Variants in KANK2 observed in about 807,000 individuals in gnomAD.
KANK2 encodes the protein KN motif and ankyrin repeat domain-containing protein 2.
A neutral mutation model predicts 74.6 loss-of-function variants in KANK2; 41 were observed. The observed-to-expected ratio is 0.55, with a 90% CI of 0.43 to 0.71. The LOEUF (loss-of-function observed/expected upper bound fraction) is 0.71, where lower values mean the gene tolerates loss of function less well. Ranked by LOEUF, KANK2 falls within the 30% of genes least tolerant of loss-of-function variation. The pLI is 0.00. For missense variants in KANK2, 1,148 were observed against 1,196.4 expected (o/e 0.96, Z 0.60); for synonymous variants, 537 against 519.0 (o/e 1.03, Z -0.47).
rs981168044 is a variant in KANK2, at chr19:11,172,403, C to T, written c.2211+578G>A. Among the ~76,000 whole-genome samples the T allele has an allele frequency of 3.9e-5, 6 of 152,214 alleles. 1 individual carries two copies. Among genetic ancestry groups the T allele is most frequent in the Admixed American group, 3.9e-4 (6 of 15,272 alleles). ...CAGCTCCATTTTGTTCCTTTGCTGT[C>T]TTCAGACTGTTGACGATCCCTCTCC... is the stretch of plus-strand genomic sequence containing the variant. On this transcript the variant is annotated intron_variant, in intron 10 of 12. Transcript: ENST00000586659.
At chr19:11,175,615 A>G (rs1487555187) in intron 8 of KANK2, among the ~76,000 whole-genome samples, 1 of 151,946 alleles carries the variant, frequency 6.6e-6, no homozygotes, top group Non-Finnish European at 1.5e-5. Flanking sequence ...TCAAGTGTAG[A>G]TGCCCAAAAA....
intron 4 of KANK2, among the ~76,000 whole-genome samples, chr19:11,183,348 T>C (rs528483517): frequency 1.3e-5 from 2 of 152,294 alleles, no homozygotes; most frequent in South Asian, 2.1e-4. Context: ...TTACTTTACA[T>C]GAGAAGAGCC....
chr19:11,176,863 A>C, intron 6 of KANK2, 46 bp from the exon 7 acceptor site: 1 of 1,481,676 alleles, frequency 6.7e-7, no homozygotes, highest in Non-Finnish European at 8.9e-7. Context: ...AGGTGGGATG[A>C]GAAATGGTGG....
In KANK2 at chr19:11,165,643, CT is replaced by C. The variant is rs1374168359; in HGVS notation, c.*914del. ...CTGAAGTGCAATGGTGTGATCATAG[CT>C]CACTGTAGCCTCGACCTCCAGGGCT... is the stretch of plus-strand genomic sequence containing the variant. On this transcript the variant is annotated 3_prime_UTR_variant, in exon 13 of 13. Transcript: ENST00000586659. The C allele has an allele frequency of 1.3e-5, 2 of 152,124 alleles. No homozygotes were observed. The highest frequency in any genetic ancestry group is 1.3e-4 in the Admixed American group (2 of 15,246). The allele number at this position is 152,124 out of a possible 1,614,324, so 9.4% of individuals were successfully genotyped here.
chr19:11,175,189 G>A (rs970781007), intron 8 of KANK2, among the ~76,000 whole-genome samples: 7 of 151,824 alleles, frequency 4.6e-5, no homozygotes, highest in African/African-American at 1.5e-4. Context: ...CACTTTGGGA[G>A]GCCAGGGTGA....
At chr19:11,194,443 G>C (rs756900296) in intron 3 of KANK2, 32 bp downstream of exon 3, 1 of 1,593,662 alleles carries the variant, frequency 6.3e-7, no homozygotes, top group Non-Finnish European at 8.6e-7. Flanking sequence ...GAAGCTCCCC[G>C]GGGCAGGGCC....
At position 11,193,688 on chromosome 19, in the gene KANK2, G is replaced by A; in HGVS notation, c.392C>T (p.Ala131Val). 6.2e-7 allele frequency: 1 copy of A among 1,609,714 alleles called. No individual in the cohort carries two copies. Among genetic ancestry groups the A allele is most frequent in the Non-Finnish European group, 8.5e-7 (1 of 1,178,030 alleles). The change falls in exon 4 of 13, where the codon GCC (alanine) becomes GTC (valine). Residue 131 changes from alanine (A) to valine (V), a missense_variant. Physicochemically the swap from Ala to Val is moderately conservative, Grantham distance 64. Transcript: ENST00000586659. This position sits in a 1 kb window ranked among gnomAD's most constrained non-coding sequence, Gnocchi z 9.6. ...NPRVERTLLD[A>V]RRRLEDQAAT... Reference sequence around the variant, plus strand: ...CGCCTGGTCCTCGAGACGGCGACGGGCATCCAGCAGCGTGCGCTCCACCCG... The same window carrying A: ...CGCCTGGTCCTCGAGACGGCGACGGACATCCAGCAGCGTGCGCTCCACCCG...
chr19:11,171,359 A>G (rs1192709270), intron 10 of KANK2, among the ~76,000 whole-genome samples: 1 of 152,000 alleles, frequency 6.6e-6, no homozygotes, highest in East Asian at 1.9e-4. Context: ...AGGTTGGAGG[A>G]CTGTTTGAGC....
chr19:11,178,626 G>A lies in KANK2; in HGVS notation c.1344C>T (p.Pro448=). The A allele has an allele frequency of 6.3e-7, 1 of 1,597,252 alleles. No individual in the cohort carries two copies. Among genetic ancestry groups the A allele is most frequent in the African/African-American group, 1.4e-5 (1 of 73,726 alleles). The change falls in exon 5 of 13, where the codon CCC becomes CCT. Residue 448 remains proline, a synonymous_variant. Coordinates refer to ENST00000586659, the MANE Select transcript of KANK2 (RefSeq NM_001136191.3). ...GCTCCCTGTGGGTGGGCTCCTGGGT[G>A]GGCACTCGGCCTGTGCTCTTCTCAG... ...TQPEKSTGRV[P]TQEPTHREPT...
chr19:11,197,181 G>C (rs1285028170), intron 1 of KANK2: 1 of 152,504 alleles, frequency 6.6e-6, no homozygotes, highest in African/African-American at 2.4e-5. Context: ...AGGGGAGAGC[G>C]GGCAGAGGGG....
chr19:11,181,691 C>T (rs758544486), intron 4 of KANK2, among the ~76,000 whole-genome samples: 18 of 151,948 alleles, frequency 1.2e-4, no homozygotes, highest in Non-Finnish European at 2.4e-4. Flanking sequence ...GTGACAGTTG[C>T]GCAACAGTGT....
Position 11,170,403 on chromosome 19 carries a change from C to T in KANK2, c.2212-155G>A. 1 of 617,878 alleles carries T rather than the reference C, an allele frequency of 1.6e-6. No individual in the cohort carries two copies. Among genetic ancestry groups the T allele is most frequent in the South Asian group, 1.9e-5 (1 of 51,398 alleles). The allele number at this position is 617,878 out of a possible 1,614,324, so 38.3% of individuals were successfully genotyped here. A position where few individuals can be genotyped will look rare whatever the true frequency, so the allele number is the denominator to read the frequency against. On this transcript the variant is annotated intron_variant, in intron 10 of 12. Transcript: ENST00000586659. This position sits in a 1 kb window ranked among gnomAD's most constrained non-coding sequence, Gnocchi z 5.2. Reference sequence around the variant, plus strand: ...TGAATCTCAAACAACCCTCCCGTCACCAGGGGAGTAATAAATCCACAGAGA... The same window carrying T: ...TGAATCTCAAACAACCCTCCCGTCATCAGGGGAGTAATAAATCCACAGAGA...
rs139337452 is a variant in KANK2 at position 11,176,808 on chromosome 19, C to T, written c.1530G>A (p.Ser510=). 15 of 1,516,132 alleles carry T rather than the reference C, an allele frequency of 9.9e-6. No homozygotes were observed. The highest frequency in any genetic ancestry group is 4.2e-5 in the African/African-American group (3 of 71,858). 93.9% of individuals were successfully genotyped at this position (1,516,132 alleles called of 1,614,324 possible). The change falls in exon 7 of 13, where the codon TCG becomes TCA. Residue 510 remains serine (S), a synonymous_variant. Coordinates refer to ENST00000586659, the MANE Select transcript of KANK2 (RefSeq NM_001136191.3). Reference sequence around the variant, plus strand: ...CTGCTGTGCTGGAGTCCTCGGATGACGACTCATACCTGGGGAGGAACGAGC... The same window carrying T: ...CTGCTGTGCTGGAGTCCTCGGATGATGACTCATACCTGGGGAGGAACGAGC... ...QFVGVNGGYE[S]SSEDSSTAEN...
intron 10 of KANK2, among the ~76,000 whole-genome samples, chr19:11,172,526 C>T (rs1171551353): frequency 2.0e-5 from 3 of 152,128 alleles, no homozygotes; most frequent in African/African-American, 7.2e-5. Context: ...TTCTGCTTCC[C>T]AACACACAGC....
chr19:11,174,804 G>A lies in KANK2; in HGVS notation c.1849-112C>T, dbSNP rs78998591. On this transcript the variant is annotated intron_variant, in intron 8 of 12. Coordinates refer to ENST00000586659, the MANE Select transcript of KANK2 (RefSeq NM_001136191.3). ...GCGTGGTGCCCTTGTCCTGGAAAAC[G>A]ATCTCAAGGGAAGTGCAGACCCTCC... 1,260 of 816,108 alleles carry A rather than the reference G, an allele frequency of 1.5e-3. 11 individuals are homozygous for A. In the African/African-American group the frequency reaches 0.019, roughly 12 times the overall value. 50.6% of individuals were successfully genotyped at this position (816,108 alleles called of 1,614,324 possible). A position where few individuals can be genotyped will look rare whatever the true frequency, so the allele number is the denominator to read the frequency against.
intron 12 of KANK2, among the ~76,000 whole-genome samples, chr19:11,167,325 A>G (rs2078050435): frequency 2.0e-5 from 3 of 151,800 alleles, no homozygotes; most frequent in African/African-American, 7.3e-5. Flanking sequence ...TTGGCCTCCC[A>G]AAGTGTTGAG....
intron 6 of KANK2, 97 bp from the exon 7 acceptor site, chr19:11,176,914 C>G: frequency 1.5e-6 from 2 of 1,375,624 alleles, no homozygotes; most frequent in Non-Finnish European, 1.9e-6. Flanking sequence ...CTCTGTGGGC[C>G]TCAGCTTCCC....
chr19:11,192,751 G>A lies in KANK2; in HGVS notation c.1249+80C>T, dbSNP rs748576236. The A allele has an allele frequency of 1.7e-5, 27 of 1,546,010 alleles. No individual in the cohort carries two copies. The African/African-American group carries it at 3.6e-4, about 20-fold the overall frequency. On this transcript the variant is annotated intron_variant, in intron 4 of 12. Transcript: ENST00000586659. ...CACCCTGCCTGGACCCTGGCGTTCT[G>A]AGAGTCCAGGATGAGCCATGGGAAG...
At chr19:11,183,236 A>G (rs1368947426) in intron 4 of KANK2, among the ~76,000 whole-genome samples, 1 of 152,204 alleles carries the variant, frequency 6.6e-6, no homozygotes, top group Non-Finnish European at 1.5e-5. Context: ...TGGGACAGAG[A>G]AGACAGGCTC....
Sources: allele counts gnomAD v4.1 joint callset (sites outside exome capture counted in the v4.1 genomes callset), GRCh38; gene constraint gnomAD v4.1.1; non-coding constraint Gnocchi (gnomAD v3.1); transcripts MANE v1.5; gene names NCBI Gene and HGNC (gene_info 2026-07-23, HGNC 2026-07-21).